BCKDHB: variants seen among roughly 807,000 people sequenced by gnomAD.
The protein encoded by BCKDHB is branched chain keto acid dehydrogenase E1 subunit beta, also known as 2-oxoisovalerate dehydrogenase subunit beta, mitochondrial.
In BCKDHB, 41 loss-of-function variants were observed where a neutral mutation model predicts 48.5. That is an observed-to-expected ratio of 0.85 (90% CI 0.66 to 1.10). The LOEUF (loss-of-function observed/expected upper bound fraction) is 1.10, where lower values mean the gene tolerates loss of function less well. Ranked by LOEUF, BCKDHB falls within the 50% of genes least tolerant of loss-of-function variation. BCKDHB has a pLI of 0.00. For synonymous variants in BCKDHB, 201 were observed against 174.8 expected, an observed-to-expected ratio of 1.15 and a Z score of -1.18; for missense variants, 496 against 494.2, an observed-to-expected ratio of 1.00 and a Z score of -0.03.
the BCKDHB span, among the ~76,000 whole-genome samples, chr6:80,397,902 A>G: frequency 6.6e-6 from 1 of 152,088 alleles, no homozygotes; most frequent in African/African-American, 2.4e-5. Flanking sequence ...AAACCAACAA[A>G]CAACAAACAA....
At chr6:80,187,719 C>T (rs2322636) in intron 6 of BCKDHB, among the ~76,000 whole-genome samples, 55,172 of 151,950 alleles carry the variant, frequency 0.36, 11,951 homozygotes, top group East Asian at 0.56. Flanking sequence ...AACAAGCATA[C>T]GAGAAAATGC....
At chr6:80,236,071 A>T (rs1247642077) in intron 8 of BCKDHB, among the ~76,000 whole-genome samples, 1 of 152,226 alleles carries the variant, frequency 6.6e-6, no homozygotes, top group African/African-American at 2.4e-5. Flanking sequence ...TAATTTTTCA[A>T]TCTCAAGTTT....
intron 1 of BCKDHB, among the ~76,000 whole-genome samples, chr6:80,114,115 G>C (rs1769558087): frequency 6.6e-6 from 1 of 152,106 alleles, no homozygotes. Context: ...GGAAGTTGGG[G>C]TTGGGGTTTT....
rs398124603 is a variant in BCKDHB, at chr6:80,273,153, C to T, written c.970C>T (p.Arg324Ter). The T allele has an allele frequency of 2.6e-5, 42 of 1,613,042 alleles. No homozygotes were observed. The highest frequency in any genetic ancestry group is 1.0e-4 in the Admixed American group (6 of 59,916). ...TICKSVIKTGRLLISHEAPLT... is the reference protein window; with the variant it reads ...TICKSVIKTG ...CTTTCAGTCTGTGATCAAAACAGGG[C>T]GACTGCTAATCAGTCACGAGGCTCC... The change falls in exon 9 of 10, where the codon CGA becomes TGA. Residue 324 changes from arginine (R) to a stop codon, truncating the protein, a stop_gained. Transcript: ENST00000320393. LOFTEE classifies it high-confidence loss of function.
chr6:80,145,417 A>G (rs1771433491), intron 3 of BCKDHB, among the ~76,000 whole-genome samples: 1 of 152,288 alleles, frequency 6.6e-6, no homozygotes, highest in South Asian at 2.1e-4. Flanking sequence ...CTTTCCCCCA[A>G]ACCACCTCAT....
chr6:80,323,235 T>A (rs1768840980), intron 9 of BCKDHB, among the ~76,000 whole-genome samples: 1 of 152,192 alleles, frequency 6.6e-6, no homozygotes, highest in Admixed American at 6.5e-5. Context: ...CTGTTTGTAA[T>A]AATATTTTTG....
At position 80,324,849 on chromosome 6, in the gene BCKDHB, A is replaced by G. The variant is rs533793062; in HGVS notation, c.1039-18815A>G. ...CAGCAAGAGTTCTGAATTCACCCTG[A>G]TTAGACCATTAAGGTCGTATTTCAA... On this transcript the variant is annotated intron_variant, in intron 9 of 9. Transcript: ENST00000320393. Among the ~76,000 whole-genome samples, 20 of 152,290 alleles carry G rather than the reference A, an allele frequency of 1.3e-4. No homozygotes were observed. The East Asian group carries it at 2.9e-3, about 22-fold the overall frequency.
chr6:80,212,200 C>T lies in BCKDHB; in HGVS notation c.951+8988C>T, dbSNP rs561353335. ...AGAACCGGTCTGACCACAAATTTAC[C>T]AGGGCGGAGTTTTTCCCCACCCTGA... On this transcript the variant is annotated intron_variant, in intron 8 of 9. Coordinates refer to ENST00000320393, the MANE Select transcript of BCKDHB (RefSeq NM_183050.4). Among the ~76,000 whole-genome samples, 10 of 152,148 alleles carry T rather than the reference C, an allele frequency of 6.6e-5. No homozygotes were observed. The South Asian group carries it at 1.9e-3, about 29-fold the overall frequency.
At chr6:80,395,955 G>T in the BCKDHB span, among the ~76,000 whole-genome samples, 4 of 152,170 alleles carry the variant, frequency 2.6e-5, no homozygotes, top group Non-Finnish European at 5.9e-5. Flanking sequence ...TTACACGTGG[G>T]TGCAAAGAAG....
Position 80,305,688 on chromosome 6 carries a change from C to T in BCKDHB, c.1038+32467C>T, listed in dbSNP as rs569955850. 9.7e-4 allele frequency among the ~76,000 whole-genome samples: 148 copies of T among 152,254 alleles called. 1 individual carries two copies. Among genetic ancestry groups the T allele is most frequent in the African/African-American group, 3.4e-3 (142 of 41,560 alleles). ...CATGTTGAAGCAAAGGAGCCCCCCA[C>T]ATGTAGATGTTGTGGACATCACTTG... On this transcript the variant is annotated intron_variant, in intron 9 of 9. Transcript: ENST00000320393.
At chr6:80,254,197 CT>C (rs1220772221) in intron 8 of BCKDHB, among the ~76,000 whole-genome samples, 7 of 151,100 alleles carry the variant, frequency 4.6e-5, no homozygotes, top group Non-Finnish European at 7.4e-5. Flanking sequence ...AATTTATTTA[CT>C]TTATTATTTT....
At chr6:80,339,300 C>T (rs1210976726) in intron 9 of BCKDHB, among the ~76,000 whole-genome samples, 4 of 152,062 alleles carry the variant, frequency 2.6e-5, no homozygotes, top group Admixed American at 2.0e-4. Flanking sequence ...TACTTAAAAC[C>T]GTAATGGATC....
In BCKDHB at chr6:80,153,292, T is replaced by C. The variant is rs144162734; in HGVS notation, c.344-14386T>C. On this transcript the variant is annotated intron_variant, in intron 3 of 9. Transcript: ENST00000320393. ...GCTAATGGAACAGGATTTGGGTTCA[T>C]AGTTTTGAATTGCCTGTCACAGCCC... Among the ~76,000 whole-genome samples the C allele has an allele frequency of 6.3e-3, 955 of 152,248 alleles. 11 individuals are homozygous for C. Among genetic ancestry groups the C allele is most frequent in the Non-Finnish European group, 9.6e-3 (655 of 68,020 alleles).
At chr6:80,359,382 C>G in the BCKDHB span, among the ~76,000 whole-genome samples, 100 of 152,142 alleles carry the variant, frequency 6.6e-4, no homozygotes, top group African/African-American at 2.3e-3. Flanking sequence ...ATTGGCTGGC[C>G]CTCCCCTGCA....
chr6:80,235,660 C>A (rs966517183), intron 8 of BCKDHB, among the ~76,000 whole-genome samples: 2 of 152,176 alleles, frequency 1.3e-5, no homozygotes, highest in South Asian at 4.1e-4. Context: ...GCCAGTGGCA[C>A]TTAGGTTCTA....
chr6:80,275,965 A>G (rs187272143), intron 9 of BCKDHB, among the ~76,000 whole-genome samples: 2 of 152,146 alleles, frequency 1.3e-5, no homozygotes, highest in African/African-American at 4.8e-5. Context: ...AAGGTTAAAA[A>G]AGATAAAACA....
At chr6:80,299,523 G>A (rs1022132852) in intron 9 of BCKDHB, among the ~76,000 whole-genome samples, 1 of 152,142 alleles carries the variant, frequency 6.6e-6, no homozygotes, top group Non-Finnish European at 1.5e-5. Flanking sequence ...AGAATTTGAG[G>A]TGAGTCCATA....
chr6:80,336,661 G>A (rs1044558131), intron 9 of BCKDHB, among the ~76,000 whole-genome samples: 2 of 151,880 alleles, frequency 1.3e-5, no homozygotes, highest in African/African-American at 4.8e-5. Flanking sequence ...TTACATAGAA[G>A]CACTGTTGAA....
At chr6:80,167,382 A>G (rs1303008416) in intron 3 of BCKDHB, among the ~76,000 whole-genome samples, 1 of 152,026 alleles carries the variant, frequency 6.6e-6, no homozygotes, top group Non-Finnish European at 1.5e-5. Flanking sequence ...TAATACAATT[A>G]TTAATTGGAT....
Sources: gnomAD v4.1 joint callset for allele counts (sites outside exome capture counted in the v4.1 genomes callset) on GRCh38, gnomAD v4.1.1 for gene constraint, MANE v1.5 for transcripts, NCBI Gene and HGNC (gene_info 2026-07-23, HGNC 2026-07-21) for gene names.